Variants in PPME1 observed in about 807,000 individuals in gnomAD.
The protein encoded by PPME1 is testicular secretory protein Li 39.
In PPME1, 17 loss-of-function variants were observed where a neutral mutation model predicts 56.9. The ratio of observed to expected loss-of-function variants is 0.30; its 90% CI spans 0.20 to 0.45. PPME1 has a LOEUF of 0.45. Among genes scored for constraint, PPME1 ranks in the 20% least tolerant of loss-of-function variants. The pLI is 1.00. For synonymous variants in PPME1, 122 were observed against 156.2 expected (o/e 0.78, Z 1.63); for missense variants, 357 against 483.2 (o/e 0.74, Z 2.45).
chr11:74,225,191 T>G lies in PPME1; in HGVS notation c.347-14T>G. 2 of 1,510,112 alleles carry G rather than the reference T, an allele frequency of 1.3e-6. No individual in the cohort carries two copies. Among genetic ancestry groups the G allele is most frequent in the Non-Finnish European group, 1.8e-6 (2 of 1,117,506 alleles). 93.5% of individuals were successfully genotyped at this position (1,510,112 alleles called of 1,614,324 possible). On this transcript the variant is annotated splice_polypyrimidine_tract_variant and intron_variant, in intron 4 of 13. Coordinates refer to ENST00000328257, the MANE Select transcript of PPME1 (RefSeq NM_016147.3). ...GTCTGTGGGAATTTTATTTTTAAAA[T>G]ATTTTCATTTTAGGTGAAACAAAGG...
At chr11:74,181,560 A>G (rs1257928568) in intron 1 of PPME1, among the ~76,000 whole-genome samples, 1 of 152,238 alleles carries the variant, frequency 6.6e-6, no homozygotes, top group East Asian at 1.9e-4. Context: ...CCTCAATAAC[A>G]TTTAGAACTC....
intron 5 of PPME1, among the ~76,000 whole-genome samples, chr11:74,225,765 A>G (rs566715712): frequency 4.1e-4 from 63 of 152,322 alleles, no homozygotes; most frequent in South Asian, 8.3e-4. Context: ...CTGCTCACTC[A>G]TCAGAATCAC....
At chr11:74,181,200 G>A (rs893509522) in intron 1 of PPME1, among the ~76,000 whole-genome samples, 4 of 151,464 alleles carry the variant, frequency 2.6e-5, no homozygotes, top group Non-Finnish European at 4.4e-5. Context: ...GCCTGCCACC[G>A]CGCCCGGCTA....
chr11:74,172,929 A>G (rs1372627208), intron 1 of PPME1, among the ~76,000 whole-genome samples: 1 of 152,092 alleles, frequency 6.6e-6, no homozygotes, highest in Non-Finnish European at 1.5e-5. Flanking sequence ...CAGTACTGTG[A>G]CAGTAAGTCC....
chr11:74,172,505 A>C (rs1049403665), intron 1 of PPME1, among the ~76,000 whole-genome samples: 3 of 152,228 alleles, frequency 2.0e-5, no homozygotes, highest in Non-Finnish European at 4.4e-5. Flanking sequence ...GAATTAGTGA[A>C]GCATTGGGAG....
intron 1 of PPME1, among the ~76,000 whole-genome samples, chr11:74,201,988 G>A (rs1858182287): frequency 6.6e-6 from 1 of 152,148 alleles, no homozygotes; most frequent in Non-Finnish European, 1.5e-5. Context: ...TGAAGTTGCT[G>A]TTTACTTCAC....
chr11:74,252,645 C>A, intron 13 of PPME1: 1 of 409,376 alleles, frequency 2.4e-6, no homozygotes, highest in South Asian at 1.7e-5. Flanking sequence ...GGATGCTTAG[C>A]AGTATCCCTG....
chr11:74,221,927 T>C (rs1008076627), intron 3 of PPME1, among the ~76,000 whole-genome samples: 69 of 152,294 alleles, frequency 4.5e-4, no homozygotes, highest in African/African-American at 1.5e-3. Flanking sequence ...AGCCAAGATA[T>C]AAACTGACTC....
intron 10 of PPME1, among the ~76,000 whole-genome samples, chr11:74,246,870 A>T (rs1032490127): frequency 1.3e-5 from 2 of 152,218 alleles, no homozygotes; most frequent in Non-Finnish European, 2.9e-5. Flanking sequence ...TTAAAATAGT[A>T]AAACCTTGTT....
chr11:74,192,899 C>T (rs184453830), intron 1 of PPME1, among the ~76,000 whole-genome samples: 109 of 152,314 alleles, frequency 7.2e-4, no homozygotes, highest in African/African-American at 2.5e-3. Context: ...TACCCAGTCT[C>T]AGGTATTATG....
At chr11:74,206,528 A>G (rs1858331101) in intron 3 of PPME1, among the ~76,000 whole-genome samples, 1 of 152,180 alleles carries the variant, frequency 6.6e-6, no homozygotes, top group Non-Finnish European at 1.5e-5. Context: ...GCCTGAAGAA[A>G]AGAAAGACTT....
chr11:74,251,861 C>T, intron 13 of PPME1, 146 bp downstream of exon 13: 3 of 1,014,632 alleles, frequency 3.0e-6, no homozygotes, highest in Non-Finnish European at 3.1e-6. Flanking sequence ...AAGAGCCTGG[C>T]ATGTCTGTTT....
intron 13 of PPME1, 111 bp downstream of exon 13, chr11:74,251,826 A>G (rs1213084509): frequency 1.5e-6 from 2 of 1,343,420 alleles, no homozygotes; most frequent in Non-Finnish European, 2.1e-6. Context: ...TTTGGTCACC[A>G]TGCCTTTCTT....
chr11:74,191,327 G>A (rs1236302519), intron 1 of PPME1, among the ~76,000 whole-genome samples: 1 of 152,172 alleles, frequency 6.6e-6, no homozygotes, highest in African/African-American at 2.4e-5. Context: ...ACAACAGAGT[G>A]AAACCCTGTC....
At chr11:74,219,490 ACCAGTGTCTAT>A (rs979434287) in intron 3 of PPME1, among the ~76,000 whole-genome samples, 8 of 152,172 alleles carry the variant, frequency 5.3e-5, no homozygotes, top group African/African-American at 1.9e-4. Context: ...TTTGGAAGCA[ACCAGTGTCTAT>A]CAGTAGATGA....
At position 74,204,337 on chromosome 11, in the gene PPME1, C is replaced by A. The variant is rs780903121; in HGVS notation, c.196-16C>A. Reference sequence around the variant, plus strand: ...GTGAGCAAAAACATAGATGTTTTATCTTTAACTATTCATACACTTTTCGAG... The same window carrying A: ...GTGAGCAAAAACATAGATGTTTTATATTTAACTATTCATACACTTTTCGAG... On this transcript the variant is annotated splice_polypyrimidine_tract_variant and intron_variant, in intron 2 of 13. Coordinates refer to ENST00000328257, the MANE Select transcript of PPME1 (RefSeq NM_016147.3). 2 of 1,587,646 alleles carry A rather than the reference C, an allele frequency of 1.3e-6. No homozygotes were observed. The highest frequency in any genetic ancestry group is 2.2e-5 in the South Asian group (2 of 89,560).
intron 1 of PPME1, among the ~76,000 whole-genome samples, chr11:74,195,153 T>G (rs1031119335): frequency 9.2e-5 from 14 of 152,212 alleles, no homozygotes; most frequent in African/African-American, 3.4e-4. Flanking sequence ...GTTCAAAGAA[T>G]AATAAATTCT....
At chr11:74,226,577 T>G (rs1258647869) in intron 5 of PPME1, among the ~76,000 whole-genome samples, 1 of 152,158 alleles carries the variant, frequency 6.6e-6, no homozygotes, top group Non-Finnish European at 1.5e-5. Flanking sequence ...GTGAATGATT[T>G]TTAAGGAAGT....
chr11:74,236,998 G>T (rs1859206225), intron 8 of PPME1, among the ~76,000 whole-genome samples: 1 of 151,966 alleles, frequency 6.6e-6, no homozygotes, highest in Admixed American at 6.6e-5. Flanking sequence ...CACCTCTCAT[G>T]CATCTTTTAA....
Sources: gnomAD v4.1 joint callset for allele counts (sites outside exome capture counted in the v4.1 genomes callset) on GRCh38, gnomAD v4.1.1 for gene constraint, MANE v1.5 for transcripts, NCBI Gene and HGNC (gene_info 2026-07-23, HGNC 2026-07-21) for gene names.